UNK: variants seen among roughly 807,000 people sequenced by gnomAD.
UNK encodes RING finger protein unkempt homolog.
A neutral mutation model predicts 97.6 loss-of-function variants in UNK; 32 were observed. That is an observed-to-expected ratio of 0.33 (90% confidence interval 0.25 to 0.44). The LOEUF (loss-of-function observed/expected upper bound fraction) is 0.44. Among genes scored for constraint, UNK ranks in the 20% least tolerant of loss-of-function variants. The pLI, the probability that UNK is intolerant of heterozygous loss-of-function variation, is 1.00. For synonymous variants in UNK, 441 were observed against 461.2 expected (o/e 0.96, Z 0.56); for missense variants, 771 against 1,098.4 (o/e 0.70, Z 4.21).
At position 75,818,726 on chromosome 17, in the gene UNK, C is replaced by A. The variant is rs754835445; in HGVS notation, c.1456C>A (p.Pro486Thr). 4 of 1,613,220 alleles carry A rather than the reference C, an allele frequency of 2.5e-6. No individual in the cohort carries two copies. The highest frequency in any genetic ancestry group is 3.3e-5 in the Admixed American group (2 of 59,960). Residue 486 changes from proline to threonine, a missense_variant, in exon 11 of 16, where the codon CCT (proline) becomes ACT (threonine). By Grantham distance (38) the Pro-to-Thr change is conservative (BLOSUM62 -1). Transcript: ENST00000589666. The surrounding 1 kb of genome is among the most constrained non-coding windows in gnomAD (Gnocchi z 5.1). The part of the protein sequence containing the change: ...SITSSLAATP[P>T]SPVGTSSVPG... Reference sequence around the variant, plus strand: ...CACCTCCAGCCTGGCAGCTACCCCCCCTAGCCCAGTGGGCACCAGCAGCGT... The same window carrying A: ...CACCTCCAGCCTGGCAGCTACCCCCACTAGCCCAGTGGGCACCAGCAGCGT...
intron 2 of UNK, among the ~76,000 whole-genome samples, 183 bp downstream of exon 2, chr17:75,810,152 C>T (rs1464505423): frequency 6.6e-6 from 1 of 152,244 alleles, no homozygotes; most frequent in Middle Eastern, 3.2e-3. Context: ...TACCATTTCC[C>T]TTTCCCACTT....
At chr17:75,789,755 TGAG>T (rs1407921310) in intron 1 of UNK, among the ~76,000 whole-genome samples, 2 of 152,166 alleles carry the variant, frequency 1.3e-5, no homozygotes, top group African/African-American at 2.4e-5. Context: ...CGTTTAAGAA[TGAG>T]GAGAACTTTT....
intron 14 of UNK, 30 bp from the exon 15 acceptor site, chr17:75,823,235 T>C (rs2062085319): frequency 6.4e-7 from 1 of 1,565,356 alleles, no homozygotes; most frequent in Non-Finnish European, 8.7e-7. Flanking sequence ...GGCAGGGCCA[T>C]TGTGATGAGA....
intron 1 of UNK, among the ~76,000 whole-genome samples, chr17:75,795,751 T>G (rs1419685538): frequency 6.6e-6 from 1 of 152,186 alleles, no homozygotes; most frequent in Non-Finnish European, 1.5e-5. Flanking sequence ...GACCCTTATA[T>G]GAATCTTCCT....
intron 1 of UNK, among the ~76,000 whole-genome samples, chr17:75,804,814 C>T (rs939099710): frequency 6.6e-6 from 1 of 151,866 alleles, no homozygotes; most frequent in African/African-American, 2.4e-5. Context: ...GCACTCCAGC[C>T]TGGTCAACAG....
intron 1 of UNK, among the ~76,000 whole-genome samples, chr17:75,787,037 T>A (rs373725777): frequency 1.2e-4 from 19 of 152,204 alleles, no homozygotes; most frequent in African/African-American, 4.6e-4. Flanking sequence ...TGTATGTGTG[T>A]TTTTATATTT....
At position 75,824,461 on chromosome 17, in the gene UNK, G is replaced by T. The variant is rs558453627; in HGVS notation, c.*44G>T. ...GCCTGGCCCAGATCTTCTCACCTAGGACTTTTTAAAGTATATATATATATA... is the reference window on the plus strand; with the variant it reads ...GCCTGGCCCAGATCTTCTCACCTAGTACTTTTTAAAGTATATATATATATA... On this transcript the variant is annotated 3_prime_UTR_variant, in exon 16 of 16. Coordinates refer to ENST00000589666, the MANE Select transcript of UNK (RefSeq NM_001080419.3). This position sits in a 1 kb window ranked among gnomAD's most constrained non-coding sequence, Gnocchi z 4.9. 2.5e-5 allele frequency: 33 copies of T among 1,340,404 alleles called. No individual in the cohort carries two copies. The East Asian group carries it at 1.0e-3, about 41-fold the overall frequency. 83.0% of individuals were successfully genotyped at this position (1,340,404 alleles called of 1,614,324 possible).
At position 75,813,193 on chromosome 17, in the gene UNK, C is replaced by T. The variant is rs746373025; in HGVS notation, c.738C>T (p.Ser246=). 5 of 1,586,952 alleles carry T rather than the reference C, an allele frequency of 3.2e-6. No homozygotes were observed. The highest frequency in any genetic ancestry group is 1.1e-5 in the South Asian group (1 of 87,274). Residue 246 remains serine, a synonymous_variant, in exon 5 of 16, where the codon AGC becomes AGT. Coordinates refer to ENST00000589666, the MANE Select transcript of UNK (RefSeq NM_001080419.3). The part of the protein sequence containing the change: ...YYHNSKDRRR[S]PRKHKYRSSP... ...ACAACAGCAAGGACCGGCGGCGGAG[C>T]CCCCGGAAGCACAAATACAGGTCCT...
intron 1 of UNK, among the ~76,000 whole-genome samples, chr17:75,806,102 C>CAAAA (rs112228363): frequency 1.5e-5 from 1 of 68,474 alleles, no homozygotes; most frequent in Non-Finnish European, 3.3e-5. Flanking sequence ...GACTCCGTCT[C>CAAAA]AAAAAAAAAA....
chr17:75,824,215 T>G lies in UNK; in HGVS notation c.2278-47T>G, dbSNP rs1291677056. 1 of 1,527,658 alleles carries G rather than the reference T, an allele frequency of 6.5e-7. No individual in the cohort carries two copies. The highest frequency in any genetic ancestry group is 1.4e-5 in the African/African-American group (1 of 71,084). 94.6% of individuals were successfully genotyped at this position (1,527,658 alleles called of 1,614,324 possible). A position where few individuals can be genotyped will look rare whatever the true frequency, so the allele number is the denominator to read the frequency against. On this transcript the variant is annotated intron_variant, in intron 15 of 15. Coordinates refer to ENST00000589666, the MANE Select transcript of UNK (RefSeq NM_001080419.3). The surrounding 1 kb of genome is among the most constrained non-coding windows in gnomAD (Gnocchi z 4.9). ...GATCAAGGGAACTCCTCGCTCAACT[T>G]GGGGCCAGACCCATGGATGGTGACC...
At chr17:75,794,220 A>G (rs2061785862) in intron 1 of UNK, 2 of 947,116 alleles carry the variant, frequency 2.1e-6, no homozygotes. Context: ...TTATTTCAGC[A>G]ACTTATTTTA....
At chr17:75,801,694 C>G (rs11652539) in intron 1 of UNK, among the ~76,000 whole-genome samples, 3 of 151,020 alleles carry the variant, frequency 2.0e-5, no homozygotes, top group Non-Finnish European at 4.4e-5. Context: ...CTACAGGCGC[C>G]CGCCACCACA....
At chr17:75,810,669 C>A (rs1261858191) in intron 2 of UNK, among the ~76,000 whole-genome samples, 1 of 152,230 alleles carries the variant, frequency 6.6e-6, no homozygotes, top group Admixed American at 6.5e-5. Flanking sequence ...TCAAACTCTA[C>A]TCTGTTGCCC....
At chr17:75,803,438 C>T (rs56321017) in intron 1 of UNK, among the ~76,000 whole-genome samples, 9,466 of 152,076 alleles carry the variant, frequency 0.062, 656 homozygotes, top group East Asian at 0.37. Flanking sequence ...TCCTGGCTGT[C>T]GGTGAGTCCA....
rs571556748 is a variant in UNK, at chr17:75,815,020, G to T, written c.877-149G>T. On this transcript the variant is annotated intron_variant, in intron 6 of 15. Transcript: ENST00000589666. ...GCCTCAGGAGTTTGAGTAAGAAGCT[G>T]GTAGGGAGAGACATAGTGGAGGGGA... is the stretch of plus-strand genomic sequence containing the variant. The T allele has an allele frequency of 3.7e-4, 234 of 631,614 alleles. 9 individuals are homozygous for T. In the South Asian group the frequency reaches 4.4e-3, roughly 12 times the overall value. The allele number at this position is 631,614 out of a possible 1,614,324, so 39.1% of individuals were successfully genotyped here.
chr17:75,810,625 G>A (rs2061960064), intron 2 of UNK, among the ~76,000 whole-genome samples: 1 of 151,954 alleles, frequency 6.6e-6, no homozygotes, highest in South Asian at 2.1e-4. Context: ...TTTCCCCCAG[G>A]CTGGAGTGCA....
At position 75,784,973 on chromosome 17, in the gene UNK, G is replaced by A; in HGVS notation, c.93G>A (p.Pro31=). The A allele has an allele frequency of 6.6e-7, 1 of 1,511,430 alleles. No homozygotes were observed. The highest frequency in any genetic ancestry group is 1.4e-5 in the African/African-American group (1 of 70,018). The allele number at this position is 1,511,430 out of a possible 1,614,324, so 93.6% of individuals were successfully genotyped here. ...TGCTGCAGGCACAGCCCGAGAAACC[G>A]CAGCACTACACGTACGTAGAGCCCC... The part of the protein sequence containing the change: ...AQVLQAQPEK[P]QHYTYLKEFR... The change falls in exon 1 of 16, where the codon CCG becomes CCA. Residue 31 remains proline (P), a synonymous_variant. Coordinates refer to ENST00000589666, the MANE Select transcript of UNK (RefSeq NM_001080419.3).
intron 1 of UNK, among the ~76,000 whole-genome samples, chr17:75,795,486 C>T (rs763526408): frequency 2.6e-5 from 4 of 151,916 alleles, no homozygotes; most frequent in Admixed American, 6.6e-5. Flanking sequence ...ATTACAGGCA[C>T]GCGCCACCAC....
chr17:75,801,020 C>T (rs533090048), intron 1 of UNK, among the ~76,000 whole-genome samples: 18 of 152,016 alleles, frequency 1.2e-4, no homozygotes, highest in African/African-American at 4.1e-4. Flanking sequence ...TCTCCTGCCT[C>T]AGCCTCCTGA....
Sources: gnomAD v4.1 joint callset for allele counts (sites outside exome capture counted in the v4.1 genomes callset) on GRCh38, gnomAD v4.1.1 for gene constraint, Gnocchi (gnomAD v3.1) non-coding constraint, MANE v1.5 for transcripts, NCBI Gene and HGNC (gene_info 2026-07-23, HGNC 2026-07-21) for gene names.